EPS8L1: variants seen among roughly 807,000 people sequenced by gnomAD.
The protein encoded by EPS8L1 is EPS8 signaling adaptor L1.
Under a neutral mutation model 91.7 loss-of-function variants are expected in EPS8L1, and 101 were observed. That is an observed-to-expected ratio of 1.10 (90% CI 0.94 to 1.30). The LOEUF is 1.30. Among genes scored for constraint, EPS8L1 ranks in the 50% most tolerant of loss-of-function variants. EPS8L1 has a pLI of 0.00. For synonymous variants in EPS8L1, 506 were observed against 445.3 expected (o/e 1.14, Z -1.72); for missense variants, 1,114 against 1,017.0 (o/e 1.10, Z -1.30).
In EPS8L1 at chr19:55,086,726, A is replaced by G. The variant is rs1298488000; in HGVS notation, c.1790A>G (p.Gln597Arg). The change falls in exon 18 of 20, where the codon CAG becomes CGG. Residue 597 changes from glutamine (Q) to arginine (R), a missense_variant. Coordinates refer to ENST00000201647, the MANE Select transcript of EPS8L1 (RefSeq NM_133180.3). ...TTCCCGCCTGCAGAGAAATTCTCCC[A>G]GATGCTCATCGTCAACGAGGAACTG... Reference protein sequence around the residue: ...LDPSEKEKFSQMLIVNEELQA... With the variant: ...LDPSEKEKFSRMLIVNEELQA... 5.4e-6 allele frequency: 8 copies of G among 1,476,366 alleles called. No homozygotes were observed. The highest frequency in any genetic ancestry group is 7.3e-6 in the Non-Finnish European group (8 of 1,094,212). The allele number at this position is 1,476,366 out of a possible 1,614,324, so 91.5% of individuals were successfully genotyped here. A position where few individuals can be genotyped will look rare whatever the true frequency, so the allele number is the denominator to read the frequency against.
intron 17 of EPS8L1, 80 bp from the exon 18 acceptor site, chr19:55,086,634 C>CGGCCCCCCCCCCCCCCCCCAGG: frequency 7.3e-7 from 1 of 1,374,854 alleles, no homozygotes; most frequent in Non-Finnish European, 9.8e-7. Context: ...GACGCTGGAG[C>CGGCCCCCCCCCCCCCCCCCAGG]GCCCCCCCGC....
intron 1 of EPS8L1, 61 bp from the exon 2 acceptor site, chr19:55,076,346 AG>A (rs1302505909): frequency 2.3e-5 from 33 of 1,459,350 alleles, no homozygotes; most frequent in Non-Finnish European, 3.0e-5. Context: ...TTGAGGGAGG[AG>A]GCTGGGGTAG....
At chr19:55,086,634 C>CGCCCCCCCCCCCCCCCCCCCAG in intron 17 of EPS8L1, 80 bp from the exon 18 acceptor site, 1 of 1,374,850 alleles carries the variant, frequency 7.3e-7, no homozygotes, top group Non-Finnish European at 9.8e-7. Flanking sequence ...GACGCTGGAG[C>CGCCCCCCCCCCCCCCCCCCCAG]GCCCCCCCGC....
At chr19:55,086,944 C>A in intron 18 of EPS8L1, 56 bp downstream of exon 18, 5 of 1,400,632 alleles carry the variant, frequency 3.6e-6, no homozygotes, top group Non-Finnish European at 4.6e-6. Flanking sequence ...GGGAGCGGAG[C>A]GTTCCGATCG....
At chr19:55,086,642 C>CCCCCCCCCCCCCCT in intron 17 of EPS8L1, 72 bp from the exon 18 acceptor site, 2 of 1,410,050 alleles carry the variant, frequency 1.4e-6, no homozygotes, top group Non-Finnish European at 9.7e-7. Flanking sequence ...AGCGCCCCCC[C>CCCCCCCCCCCCCCT]GCCCCGCCCT....
intron 18 of EPS8L1, 41 bp downstream of exon 18, chr19:55,086,929 A>T (rs2076359105): frequency 7.1e-7 from 1 of 1,403,824 alleles, no homozygotes; most frequent in Non-Finnish European, 9.2e-7. Flanking sequence ...GTTGATACGG[A>T]CGCTGGGAGC....
intron 14 of EPS8L1, chr19:55,084,060 C>G: frequency 2.7e-6 from 1 of 368,484 alleles, no homozygotes; most frequent in Non-Finnish European, 5.0e-6. Flanking sequence ...GGAATTGGAC[C>G]TTTGGGTTTT....
chr19:55,078,741 T>C (rs12460457), intron 3 of EPS8L1, among the ~76,000 whole-genome samples: 44 of 12,734 alleles, frequency 3.5e-3, no homozygotes, highest in East Asian at 7.1e-3. Flanking sequence ...GGGCTGGGGG[T>C]CTGGACTCCT....
At chr19:55,079,961 C>A (rs575798648) in intron 5 of EPS8L1, 110 bp downstream of exon 5, 2 of 1,449,226 alleles carry the variant, frequency 1.4e-6, no homozygotes, top group African/African-American at 1.4e-5. Context: ...TGGCGAGGGA[C>A]CCCAGCCCCC....
Position 55,081,763 on chromosome 19 carries a change from T to A in EPS8L1, c.775-10T>A. The stretch of plus-strand genomic sequence containing the variant: ...GGGAGCCCTGAGCGTCCCCCTCCTC[T>A]GTCCCCTAGGACATCCTGAACCACG... On this transcript the variant is annotated splice_polypyrimidine_tract_variant and intron_variant, in intron 8 of 19. Coordinates refer to ENST00000201647, the MANE Select transcript of EPS8L1 (RefSeq NM_133180.3). This position sits in a 1 kb window ranked among gnomAD's most constrained non-coding sequence, Gnocchi z 4.9. The A allele has an allele frequency of 6.2e-7, 1 of 1,600,248 alleles. No individual in the cohort carries two copies. The highest frequency in any genetic ancestry group is 1.3e-5 in the African/African-American group (1 of 74,466).
Position 55,086,834 on chromosome 19 carries a change from G to T in EPS8L1, c.1898G>T (p.Gly633Val). 6.5e-7 allele frequency: 1 copy of T among 1,543,252 alleles called. No homozygotes were observed. The highest frequency in any genetic ancestry group is 8.7e-7 in the Non-Finnish European group (1 of 1,146,702). The change falls in exon 18 of 20, where the codon GGC becomes GTC. Residue 633 changes from glycine to valine, a missense_variant. Physicochemically the swap from Gly to Val is moderately radical, Grantham distance 109. Coordinates refer to ENST00000201647, the MANE Select transcript of EPS8L1 (RefSeq NM_133180.3). ...GCCCCGGAACCGCAGCTCAGCCCGG[G>T]CTCGGACGCCTCCGAGGTCCGCGCC... Reference protein sequence around the residue: ...PRAPEPQLSPGSDASEVRAWL... With the variant: ...PRAPEPQLSPVSDASEVRAWL...
In EPS8L1 at chr19:55,087,581, G is replaced by T. The variant is rs1602959418; in HGVS notation, c.2139G>T (p.Lys713Asn). The change falls in exon 20 of 20, where the codon AAG (lysine) becomes AAT (asparagine). Residue 713 changes from lysine (K) to asparagine (N), a missense_variant. Coordinates refer to ENST00000201647, the MANE Select transcript of EPS8L1 (RefSeq NM_133180.3). ...LEAVMEKQKK[K>N]VEGEVEMEVI ...CAGTGATGGAGAAGCAAAAGAAGAA[G>T]GTGGAAGGCGAGGTGGAAATGGAGG... 6.2e-7 allele frequency: 1 copy of T among 1,614,228 alleles called. No individual in the cohort carries two copies. The highest frequency in any genetic ancestry group is 2.2e-5 in the East Asian group (1 of 44,884).
chr19:55,082,648 C>T (rs1178188926), intron 12 of EPS8L1, 46 bp downstream of exon 12: 3 of 1,512,830 alleles, frequency 2.0e-6, no homozygotes, highest in Admixed American at 2.1e-5. Flanking sequence ...ATTGGAGGAG[C>T]ATAAGGCGCT....
At position 55,082,278 on chromosome 19, in the gene EPS8L1, C is replaced by G. The variant is rs142793216; in HGVS notation, c.994C>G (p.Arg332Gly). Reference sequence around the variant, plus strand: ...CACCTCCCTCCCCACGCCCCAGGCCCGGCTGCGCGGCAACATCGCCGACCC... The same window carrying G: ...CACCTCCCTCCCCACGCCCCAGGCCGGGCTGCGCGGCAACATCGCCGACCC... ...KIKYAFSLLARLRGNIADPSS... is the reference protein window; with the variant it reads ...KIKYAFSLLAGLRGNIADPSS... Residue 332 changes from arginine (R) to glycine (G), a missense_variant, in exon 11 of 20, where the codon CGG (arginine) becomes GGG (glycine). Arg to Gly is a moderately radical substitution (Grantham distance 125). Coordinates refer to ENST00000201647, the MANE Select transcript of EPS8L1 (RefSeq NM_133180.3). 8.1e-4 allele frequency: 1,309 copies of G among 1,611,824 alleles called. No homozygotes were observed. Among genetic ancestry groups the G allele is most frequent in the Non-Finnish European group, 1.0e-3 (1,220 of 1,179,448 alleles).
At chr19:55,079,626 G>A (rs943348775) in intron 4 of EPS8L1, 64 bp from the exon 5 acceptor site, 6 of 1,558,728 alleles carry the variant, frequency 3.8e-6, no homozygotes, top group Middle Eastern at 1.7e-4. Flanking sequence ...TGATTATTCT[G>A]GGGGATTCTG....
chr19:55,087,723 C>T lies in EPS8L1; in HGVS notation c.*109C>T, dbSNP rs546101424. The T allele has an allele frequency of 8.5e-5, 95 of 1,122,808 alleles. No individual in the cohort carries two copies. Among genetic ancestry groups the T allele is most frequent in the Middle Eastern group, 2.1e-4 (1 of 4,686 alleles). The allele number at this position is 1,122,808 out of a possible 1,614,324, so 69.6% of individuals were successfully genotyped here. On this transcript the variant is annotated 3_prime_UTR_variant, in exon 20 of 20. Transcript: ENST00000201647. ...CTTCTGAAGGATGGCCAATCTGCTCCGGCCCTGGTCTTCCCCCATCCCGGT... is the reference window on the plus strand; with the variant it reads ...CTTCTGAAGGATGGCCAATCTGCTCTGGCCCTGGTCTTCCCCCATCCCGGT...
In EPS8L1 at chr19:55,085,963, A is replaced by G; in HGVS notation, c.1508A>G (p.Asp503Gly). The change falls in exon 15 of 20, where the codon GAC becomes GGC. Residue 503 changes from aspartate (D) to glycine (G), a missense_variant. By Grantham distance (94) the Asp-to-Gly change is moderately conservative (BLOSUM62 -1). Coordinates refer to ENST00000201647, the MANE Select transcript of EPS8L1 (RefSeq NM_133180.3). ...AGTGAGCTGTCGGTCAAGCAGCGGG[A>G]CGTACTGGAGGTTAGAGGAGCGGGA... ...NSSELSVKQR[D>G]VLEVLDDSRK... 1 of 1,613,356 alleles carries G rather than the reference A, an allele frequency of 6.2e-7. No homozygotes were observed.
chr19:55,080,603 A>T (rs983362835), intron 6 of EPS8L1, 169 bp from the exon 7 acceptor site: 1 of 1,594,538 alleles, frequency 6.3e-7, no homozygotes, highest in African/African-American at 1.3e-5. Flanking sequence ...TAGGGCAGGG[A>T]CAGGTGTAGG....
intron 5 of EPS8L1, 76 bp downstream of exon 5, chr19:55,079,927 T>C (rs2076218540): frequency 1.3e-6 from 2 of 1,495,692 alleles, no homozygotes; most frequent in East Asian, 2.5e-5. Flanking sequence ...TCTTGGCTCC[T>C]GCACGTCCTT....
Sources: gnomAD v4.1 joint callset for allele counts (sites outside exome capture counted in the v4.1 genomes callset) on GRCh38, gnomAD v4.1.1 for gene constraint, Gnocchi (gnomAD v3.1) non-coding constraint, MANE v1.5 for transcripts, NCBI Gene and HGNC (gene_info 2026-07-23, HGNC 2026-07-21) for gene names.